SGCZ: variants seen among roughly 807,000 people sequenced by gnomAD.
The protein encoded by SGCZ is sarcoglycan zeta.
In SGCZ, 40 loss-of-function variants were observed where a neutral mutation model predicts 41.3. That is an observed-to-expected ratio of 0.97 (90% confidence interval 0.75 to 1.26). SGCZ has a LOEUF of 1.26. Among genes scored for constraint, SGCZ ranks in the 50% most tolerant of loss-of-function variants. SGCZ has a pLI of 0.00. For synonymous variants in SGCZ, 206 were observed against 137.5 expected, an observed-to-expected ratio of 1.50 and a Z score of -3.49; for missense variants, 552 against 369.8, an observed-to-expected ratio of 1.49 and a Z score of -4.04.
intron 3 of SGCZ, among the ~76,000 whole-genome samples, chr8:14,254,939 C>G (rs1799408742): frequency 6.6e-6 from 1 of 152,004 alleles, no homozygotes; most frequent in African/African-American, 2.4e-5. Flanking sequence ...CTTCCTGATC[C>G]ACAAAGTGAA....
At chr8:15,224,813 T>C (rs1801715100) in intron 1 of SGCZ, among the ~76,000 whole-genome samples, 1 of 152,128 alleles carries the variant, frequency 6.6e-6, no homozygotes, top group Admixed American at 6.5e-5. Context: ...TATAGCTATA[T>C]TAAAATCAGA....
At chr8:14,164,496 C>A in intron 5 of SGCZ, 84 bp downstream of exon 5, 3 of 1,521,936 alleles carry the variant, frequency 2.0e-6, no homozygotes, top group Non-Finnish European at 9.0e-7. Flanking sequence ...GCATAGGAAT[C>A]ATCCATCTTA....
chr8:15,156,616 G>C lies in SGCZ; in HGVS notation c.39+80969C>G, dbSNP rs144518102. ...TCTCGTTGAAAGACATTTCCTCAAA[G>C]CTCCTTATCTTTGCAATACATACCA... is the stretch of plus-strand genomic sequence containing the variant. On this transcript the variant is annotated intron_variant, in intron 1 of 7. Transcript: ENST00000382080. 4.5e-3 allele frequency among the ~76,000 whole-genome samples: 689 copies of C among 152,222 alleles called. 4 individuals carry two copies. Among genetic ancestry groups the C allele is most frequent in the African/African-American group, 0.016 (667 of 41,548 alleles).
At chr8:14,645,157 C>T (rs72607327) in intron 1 of SGCZ, among the ~76,000 whole-genome samples, 28,843 of 151,264 alleles carry the variant, frequency 0.19, 3,222 homozygotes, top group East Asian at 0.58. Context: ...GAAATTTCAA[C>T]TTAAACTATA....
At chr8:14,280,606 A>G (rs900507646) in intron 3 of SGCZ, among the ~76,000 whole-genome samples, 1 of 151,962 alleles carries the variant, frequency 6.6e-6, no homozygotes, top group Non-Finnish European at 1.5e-5. Flanking sequence ...TGTTAATGGC[A>G]CTTAGATTTT....
chr8:14,748,620 T>G (rs562266595), intron 1 of SGCZ, among the ~76,000 whole-genome samples: 5 of 152,142 alleles, frequency 3.3e-5, no homozygotes, highest in Non-Finnish European at 7.4e-5. Flanking sequence ...ACAAAACAGA[T>G]TTTTGGAAAA....
chr8:14,679,622 A>G (rs1808380661), intron 1 of SGCZ, among the ~76,000 whole-genome samples: 1 of 151,932 alleles, frequency 6.6e-6, no homozygotes, highest in African/African-American at 2.4e-5. Flanking sequence ...ATTTGAAGAA[A>G]TATAAAGATT....
At chr8:14,240,966 C>A (rs1482438522) in intron 3 of SGCZ, among the ~76,000 whole-genome samples, 2 of 152,108 alleles carry the variant, frequency 1.3e-5, no homozygotes, top group South Asian at 2.1e-4. Flanking sequence ...AATCTGATCT[C>A]AAATATATGT....
At chr8:14,305,391 TA>T (rs1406814051) in intron 3 of SGCZ, among the ~76,000 whole-genome samples, 1 of 152,166 alleles carries the variant, frequency 6.6e-6, no homozygotes, top group Non-Finnish European at 1.5e-5. Context: ...TCAATGTCCC[TA>T]AACCAAGACT....
At chr8:14,809,546 G>C (rs753249064) in intron 1 of SGCZ, among the ~76,000 whole-genome samples, 5 of 152,058 alleles carry the variant, frequency 3.3e-5, no homozygotes, top group African/African-American at 4.8e-5. Context: ...CCTTAATGAA[G>C]TTTTGACAAT....
intron 1 of SGCZ, among the ~76,000 whole-genome samples, chr8:14,592,484 G>C (rs192564564): frequency 2.0e-5 from 3 of 151,666 alleles, no homozygotes; most frequent in Non-Finnish European, 4.4e-5. Flanking sequence ...ATTTTACAAA[G>C]TTTATCTCTT....
At chr8:14,862,900 T>C (rs1005896886) in intron 1 of SGCZ, among the ~76,000 whole-genome samples, 2 of 152,038 alleles carry the variant, frequency 1.3e-5, no homozygotes, top group Non-Finnish European at 2.9e-5. Flanking sequence ...TGAATACATG[T>C]TCTGCTTTTG....
intron 1 of SGCZ, among the ~76,000 whole-genome samples, chr8:15,050,638 A>G (rs1804478151): frequency 6.6e-6 from 1 of 152,142 alleles, no homozygotes; most frequent in Non-Finnish European, 1.5e-5. Flanking sequence ...TTCAACATGG[A>G]GGTCAACCTT....
At position 15,008,538 on chromosome 8, in the gene SGCZ, AG is replaced by A. The variant is rs1346123316; in HGVS notation, c.39+229046del. 1.8e-3 allele frequency among the ~76,000 whole-genome samples: 101 copies of A among 54,816 alleles called. 4 individuals carry two copies. The highest frequency in any genetic ancestry group is 5.7e-3 in the African/African-American group (73 of 12,844). The allele number at this position is 54,816 out of a possible 152,430, so 36.0% of individuals were successfully genotyped here. A position where few individuals can be genotyped will look rare whatever the true frequency, so the allele number is the denominator to read the frequency against. Reference sequence around the variant, plus strand: ...CTGTATAAAGGGAGGGAAGGAAGGAAGGAAGGGAGGGAGTGAGGGAGGGAGG... The same window carrying A: ...CTGTATAAAGGGAGGGAAGGAAGGAAGAAGGGAGGGAGTGAGGGAGGGAGG... On this transcript the variant is annotated intron_variant, in intron 1 of 7. Transcript: ENST00000382080.
intron 1 of SGCZ, among the ~76,000 whole-genome samples, chr8:14,941,097 G>A (rs556128493): frequency 3.3e-5 from 5 of 152,164 alleles, no homozygotes; most frequent in Non-Finnish European, 2.9e-5. Context: ...TTTAAAAAAA[G>A]AGTTAACATA....
intron 1 of SGCZ, among the ~76,000 whole-genome samples, chr8:15,036,848 C>T (rs1803892977): frequency 6.6e-6 from 1 of 151,986 alleles, no homozygotes; most frequent in Non-Finnish European, 1.5e-5. Flanking sequence ...CCTCAACAAA[C>T]CACTAACAAG....
At chr8:14,724,789 A>G (rs1465421316) in intron 1 of SGCZ, among the ~76,000 whole-genome samples, 1 of 152,118 alleles carries the variant, frequency 6.6e-6, no homozygotes, top group Admixed American at 6.6e-5. Context: ...TTTAATGATT[A>G]AATTAGGGTA....
intron 1 of SGCZ, among the ~76,000 whole-genome samples, chr8:14,993,558 G>A (rs1051766520): frequency 6.6e-6 from 1 of 152,168 alleles, no homozygotes; most frequent in African/African-American, 2.4e-5. Context: ...GGCTGAAAGA[G>A]GGATACATAC....
intron 1 of SGCZ, among the ~76,000 whole-genome samples, chr8:14,978,526 G>C (rs557471927): frequency 7.1e-6 from 1 of 140,108 alleles, no homozygotes; most frequent in Non-Finnish European, 1.5e-5. Context: ...CTTGCATTTG[G>C]TGTATTTCAC....
Sources: gnomAD v4.1 joint callset for allele counts (sites outside exome capture counted in the v4.1 genomes callset) on GRCh38, gnomAD v4.1.1 for gene constraint, MANE v1.5 for transcripts, NCBI Gene and HGNC (gene_info 2026-07-23, HGNC 2026-07-21) for gene names.